Variants in SLC12A9 observed in about 807,000 individuals in gnomAD.
SLC12A9 encodes CCC-interacting protein 1.
SLC12A9 carries 55 observed loss-of-function variants against 66.0 expected under a neutral mutation model. The observed-to-expected ratio is 0.83, with a 90% confidence interval of 0.67 to 1.04. The LOEUF (loss-of-function observed/expected upper bound fraction) is 1.04. Ranked by LOEUF, SLC12A9 falls within the 50% of genes least tolerant of loss-of-function variation. The pLI is 0.00. For missense variants in SLC12A9, 1,061 were observed against 1,241.9 expected (o/e 0.85, Z 2.19); for synonymous variants, 577 against 569.0 (o/e 1.01, Z -0.20).
At chr7:100,859,858 C>T (rs775912745) in intron 7 of SLC12A9, 27 bp from the exon 8 acceptor site, 2 of 1,582,508 alleles carry the variant, frequency 1.3e-6, no homozygotes, top group Non-Finnish European at 1.7e-6. Flanking sequence ...GCATGATCAT[C>T]CGTGTCCTCC....
At chr7:100,855,468 TG>T (rs1206054979) in intron 3 of SLC12A9, 1 of 476,442 alleles carries the variant, frequency 2.1e-6, no homozygotes, top group Non-Finnish European at 3.8e-6. Context: ...GCTGGTATAG[TG>T]AAGGAGATCA....
At chr7:100,832,774 CT>C (rs937017393) in intron 1 of SLC12A9, among the ~76,000 whole-genome samples, 4 of 151,078 alleles carry the variant, frequency 2.6e-5, no homozygotes, top group East Asian at 2.0e-4. Context: ...GATTTTATAC[CT>C]TTTTTTTTCT....
chr7:100,849,749 A>C (rs1814017316), upstream of SLC12A9, among the ~76,000 whole-genome samples: 1 of 151,796 alleles, frequency 6.6e-6, no homozygotes, highest in South Asian at 2.1e-4. Flanking sequence ...GAAGACTAAA[A>C]TTTAGTCAAG....
Position 100,866,290 on chromosome 7 carries a change from G to A in SLC12A9, c.2430G>A (p.Gly810=). The change falls in exon 14 of 14, where the codon GGG becomes GGA. Residue 810 remains glycine (G), a synonymous_variant. Transcript: ENST00000354161. The surrounding 1 kb of genome is among the most constrained non-coding windows in gnomAD (Gnocchi z 7.3). ...EVVWGEGAGA[G]EPEAEEEGDF... ...TGTGGGGCGAGGGGGCCGGGGCTGG[G>A]GAACCCGAGGCGGAGGAGGAAGGGG... 3 of 1,527,986 alleles carry A rather than the reference G, an allele frequency of 2.0e-6. No homozygotes were observed. The highest frequency in any genetic ancestry group is 2.6e-6 in the Non-Finnish European group (3 of 1,135,972). The allele number at this position is 1,527,986 out of a possible 1,614,324, so 94.7% of individuals were successfully genotyped here. A position where few individuals can be genotyped will look rare whatever the true frequency, so the allele number is the denominator to read the frequency against.
intron 1 of SLC12A9, among the ~76,000 whole-genome samples, chr7:100,829,883 C>T (rs1813509304): frequency 6.6e-6 from 1 of 151,340 alleles, no homozygotes; most frequent in African/African-American, 2.4e-5. Context: ...CAAAAATCAG[C>T]TGGGCATCAT....
chr7:100,844,787 G>C (rs1231426659), intron 1 of SLC12A9, among the ~76,000 whole-genome samples: 1 of 152,148 alleles, frequency 6.6e-6, no homozygotes, highest in Non-Finnish European at 1.5e-5. Context: ...GGATCCTCGA[G>C]TAAATATCTT....
upstream of SLC12A9, among the ~76,000 whole-genome samples, chr7:100,850,213 C>T (rs1814029936): frequency 6.7e-6 from 1 of 149,792 alleles, no homozygotes. Context: ...TCCCTCCCTC[C>T]CTCCCTTCTT....
chr7:100,865,486 T>G, intron 13 of SLC12A9: 4 of 1,532,904 alleles, frequency 2.6e-6, no homozygotes, highest in Non-Finnish European at 3.5e-6. Context: ...CTTTGCCTGT[T>G]TAAGTGGAGG....
chr7:100,845,937 C>T (rs1584683878), intron 1 of SLC12A9, among the ~76,000 whole-genome samples: 1 of 152,316 alleles, frequency 6.6e-6, no homozygotes, highest in South Asian at 2.1e-4. Flanking sequence ...CTATTCTAGG[C>T]CGGCAAGAAA....
chr7:100,833,596 C>T (rs1021774790), intron 1 of SLC12A9, among the ~76,000 whole-genome samples: 3 of 151,458 alleles, frequency 2.0e-5, no homozygotes, highest in Non-Finnish European at 4.4e-5. Context: ...CACTTGAGCC[C>T]AGGAGTTCCA....
chr7:100,857,637 G>A lies in SLC12A9; in HGVS notation c.757+461G>A, dbSNP rs552707051. On this transcript the variant is annotated intron_variant, in intron 5 of 13. Coordinates refer to ENST00000354161, the MANE Select transcript of SLC12A9 (RefSeq NM_020246.4). ...GAAAGAGCTTGAGACCAGGTGCGGT[G>A]GCTCACGCCTGTAATCCCAGCATTC... 1.8e-5 allele frequency: 3 copies of A among 166,396 alleles called. No homozygotes were observed. The South Asian group carries it at 4.7e-4, about 26-fold the overall frequency. The allele number at this position is 166,396 out of a possible 1,614,324, so 10.3% of individuals were successfully genotyped here.
In SLC12A9 at chr7:100,865,849, C is replaced by T; in HGVS notation, c.1989C>T (p.Ser663=). Residue 663 remains serine (S), a synonymous_variant, in exon 14 of 14, where the codon AGC becomes AGT. Transcript: ENST00000354161. ...GGGAGGGCAGTTCCCCAGCTCTGAG[C>T]ACCCTGTTCCCTCCTCCCCGGGCTC... ...STREGSSPAL[S]TLFPPPRAPG... 1 of 1,613,840 alleles carries T rather than the reference C, an allele frequency of 6.2e-7. No homozygotes were observed. The highest frequency in any genetic ancestry group is 2.2e-5 in the East Asian group (1 of 44,870).
upstream of SLC12A9, among the ~76,000 whole-genome samples, chr7:100,847,920 T>C (rs1813952672): frequency 6.6e-6 from 1 of 151,494 alleles, no homozygotes; most frequent in African/African-American, 2.4e-5. Flanking sequence ...ACCCCATCAC[T>C]ACTAAAAATA....
At chr7:100,859,194 A>T (rs944737749) in intron 7 of SLC12A9, 33 bp downstream of exon 7, 7 of 1,595,810 alleles carry the variant, frequency 4.4e-6, no homozygotes, top group Non-Finnish European at 6.0e-6. Context: ...GGAGTGTCGA[A>T]CAAGATTGGT....
At chr7:100,830,680 G>C (rs1813527625) in intron 1 of SLC12A9, among the ~76,000 whole-genome samples, 1 of 151,852 alleles carries the variant, frequency 6.6e-6, no homozygotes, top group African/African-American at 2.4e-5. Flanking sequence ...CACATTGCTA[G>C]TTTTCAAGAT....
intron 5 of SLC12A9, 188 bp from the exon 6 acceptor site, chr7:100,858,647 G>C: frequency 1.7e-6 from 1 of 580,256 alleles, no homozygotes; most frequent in Non-Finnish European, 3.1e-6. Flanking sequence ...GAGGAATATC[G>C]GAGCACTGGG....
chr7:100,866,700 G>A lies in SLC12A9; in HGVS notation c.*95G>A. 3.8e-6 allele frequency: 5 copies of A among 1,331,006 alleles called. No individual in the cohort carries two copies. Among genetic ancestry groups the A allele is most frequent in the Non-Finnish European group, 4.9e-6 (5 of 1,012,350 alleles). The allele number at this position is 1,331,006 out of a possible 1,614,324, so 82.4% of individuals were successfully genotyped here. A position where few individuals can be genotyped will look rare whatever the true frequency, so the allele number is the denominator to read the frequency against. ...GAAGAGGAGGCCACTGTGGCCCGTG[G>A]CCCTGCCCTTGGGACGTGGAGCCCA... On this transcript the variant is annotated 3_prime_UTR_variant, in exon 14 of 14. Transcript: ENST00000354161. This position sits in a 1 kb window ranked among gnomAD's most constrained non-coding sequence, Gnocchi z 7.3.
Position 100,859,045 on chromosome 7 carries a change from T to C in SLC12A9, c.866-5T>C, listed in dbSNP as rs752686411. On this transcript the variant is annotated splice_region_variant and splice_polypyrimidine_tract_variant and intron_variant, in intron 6 of 13. Coordinates refer to ENST00000354161, the MANE Select transcript of SLC12A9 (RefSeq NM_020246.4). Reference sequence around the variant, plus strand: ...GACCTCACTCCCTCTGCTCCCCCTCTCCAGGGGAGCTGAAGGACCCCAGCC... The same window carrying C: ...GACCTCACTCCCTCTGCTCCCCCTCCCCAGGGGAGCTGAAGGACCCCAGCC... The C allele has an allele frequency of 1.2e-6, 2 of 1,612,530 alleles. No individual in the cohort carries two copies. Among genetic ancestry groups the C allele is most frequent in the South Asian group, 2.2e-5 (2 of 91,072 alleles).
chr7:100,836,702 C>G (rs935774722), intron 1 of SLC12A9, among the ~76,000 whole-genome samples: 19 of 152,178 alleles, frequency 1.2e-4, no homozygotes, highest in African/African-American at 4.6e-4. Context: ...GCAGGAAGGG[C>G]GCCCTGCTCA....
Sources: allele counts gnomAD v4.1 joint callset (sites outside exome capture counted in the v4.1 genomes callset), GRCh38; gene constraint gnomAD v4.1.1; non-coding constraint Gnocchi (gnomAD v3.1); transcripts MANE v1.5; gene names NCBI Gene and HGNC (gene_info 2026-07-23, HGNC 2026-07-21).